Variants in ADAMTS17 observed in about 807,000 individuals in gnomAD.
ADAMTS17 encodes A disintegrin and metalloproteinase with thrombospondin motifs 17.
A neutral mutation model predicts 141.5 loss-of-function variants in ADAMTS17; 113 were observed. The observed-to-expected ratio is 0.80, with a 90% CI of 0.69 to 0.93. ADAMTS17 has a LOEUF of 0.93. ADAMTS17 is among the 40% of genes least tolerant of loss of function. The pLI is 0.00. For synonymous variants in ADAMTS17, 768 were observed against 630.6 expected (o/e 1.22, Z -3.27); for missense variants, 1,659 against 1,517.9 (o/e 1.09, Z -1.54).
At chr15:100,292,889 G>A (rs558273216) in intron 3 of ADAMTS17, among the ~76,000 whole-genome samples, 15 of 152,306 alleles carry the variant, frequency 9.8e-5, no homozygotes, top group African/African-American at 2.9e-4. Context: ...CCATTCCTTA[G>A]GGACAGATAA....
At chr15:100,089,889 G>C (rs563177087) in intron 15 of ADAMTS17, among the ~76,000 whole-genome samples, 1 of 150,618 alleles carries the variant, frequency 6.6e-6, no homozygotes, top group African/African-American at 2.5e-5. Flanking sequence ...GTTAAATGAC[G>C]AGTTAATGGG....
chr15:100,276,990 A>AGAGCGGCAAGAAAGGGCTGCTGCGGTGT (rs2044119913), intron 4 of ADAMTS17, among the ~76,000 whole-genome samples: 2 of 152,122 alleles, frequency 1.3e-5, no homozygotes, highest in Non-Finnish European at 2.9e-5. Context: ...GTCCAGGGCT[A>AGAGCGGCAAGAAAGGGCTGCTGCGGTGT]GAGCGGCAAG....
chr15:100,297,403 C>T (rs1262281088), intron 3 of ADAMTS17, among the ~76,000 whole-genome samples: 1 of 152,070 alleles, frequency 6.6e-6, no homozygotes, highest in African/African-American at 2.4e-5. Context: ...GATTCCAGGG[C>T]ACACTGGTTG....
At chr15:100,013,730 A>G (rs537794192) in intron 18 of ADAMTS17, among the ~76,000 whole-genome samples, 1 of 152,218 alleles carries the variant, frequency 6.6e-6, no homozygotes, top group Non-Finnish European at 1.5e-5. Flanking sequence ...CCCTGGTATG[A>G]AATCCACTTG....
chr15:100,148,153 A>C (rs563856701), intron 10 of ADAMTS17, among the ~76,000 whole-genome samples: 14 of 152,266 alleles, frequency 9.2e-5, no homozygotes, highest in Non-Finnish European at 1.8e-4. Flanking sequence ...CCACACTGGC[A>C]AAGTCCTTTC....
At chr15:100,021,388 C>A (rs564705367) in intron 18 of ADAMTS17, among the ~76,000 whole-genome samples, 1 of 152,178 alleles carries the variant, frequency 6.6e-6, no homozygotes, top group African/African-American at 2.4e-5. Flanking sequence ...CCAACCACCA[C>A]GAAGGATCTC....
At chr15:100,153,848 A>G (rs143784921) in intron 9 of ADAMTS17, among the ~76,000 whole-genome samples, 1 of 152,064 alleles carries the variant, frequency 6.6e-6, no homozygotes, top group East Asian at 1.9e-4. Context: ...GCTCACACAC[A>G]CTACTTGTCA....
At chr15:100,195,167 G>A (rs998004517) in intron 8 of ADAMTS17, among the ~76,000 whole-genome samples, 22 of 152,324 alleles carry the variant, frequency 1.4e-4, no homozygotes, top group Middle Eastern at 3.4e-3. Context: ...TGTTGTTAGC[G>A]TGACCGCTGC....
intron 12 of ADAMTS17, among the ~76,000 whole-genome samples, chr15:100,122,432 G>A (rs1015951021): frequency 6.6e-6 from 1 of 152,116 alleles, no homozygotes; most frequent in Non-Finnish European, 1.5e-5. Context: ...CCCCACATGT[G>A]GTCCTTCATT....
rs1018272055 is a variant in ADAMTS17, at chr15:100,106,756, G to T, written c.2016+2233C>A. ...AAGTCGTTGGGCAGGATGGTCTGTG[G>T]AAGTGTGTAATTTGGGTCGGACACC... On this transcript the variant is annotated intron_variant, in intron 14 of 21. Coordinates refer to ENST00000268070, the MANE Select transcript of ADAMTS17 (RefSeq NM_139057.4). Among the ~76,000 whole-genome samples the T allele has an allele frequency of 1.1e-4, 16 of 152,348 alleles. No homozygotes were observed. In the South Asian group the frequency reaches 3.1e-3, roughly 30 times the overall value.
rs73484173 is a variant in ADAMTS17 at position 100,287,598 on chromosome 15, T to G, written c.617-6197A>C. Among the ~76,000 whole-genome samples the G allele has an allele frequency of 2.1e-4, 32 of 151,882 alleles. 1 individual carries two copies. The East Asian group carries it at 6.0e-3, about 29-fold the overall frequency. On this transcript the variant is annotated intron_variant, in intron 3 of 21. Transcript: ENST00000268070. ...CACACAGTCATCAGATTCTCCAAGG[T>G]TGACATAAAATAAAGAATATTAAAG...
chr15:100,006,339 A>G (rs1596210312), intron 18 of ADAMTS17, among the ~76,000 whole-genome samples: 2 of 152,164 alleles, frequency 1.3e-5, no homozygotes, highest in African/African-American at 2.4e-5. Flanking sequence ...TGCATTCCCA[A>G]TTCTGAAAAA....
Position 99,997,281 on chromosome 15 carries a change from C to T in ADAMTS17, c.2796+104G>A. On this transcript the variant is annotated intron_variant, in intron 19 of 21. Coordinates refer to ENST00000268070, the MANE Select transcript of ADAMTS17 (RefSeq NM_139057.4). This position sits in a 1 kb window ranked among gnomAD's most constrained non-coding sequence, Gnocchi z 4.7. The stretch of plus-strand genomic sequence containing the variant: ...GAGCTATAACACAACTTCAAGCTGA[C>T]CTGGGGGCGAGCGAGGGCTGGGAGG... 1 of 1,319,926 alleles carries T rather than the reference C, an allele frequency of 7.6e-7. No individual in the cohort carries two copies. Among genetic ancestry groups the T allele is most frequent in the Non-Finnish European group, 1.1e-6 (1 of 921,992 alleles). The allele number at this position is 1,319,926 out of a possible 1,614,324, so 81.8% of individuals were successfully genotyped here. A position where few individuals can be genotyped will look rare whatever the true frequency, so the allele number is the denominator to read the frequency against.
intron 15 of ADAMTS17, among the ~76,000 whole-genome samples, chr15:100,068,535 G>A (rs1451924148): frequency 6.6e-6 from 1 of 152,182 alleles, no homozygotes; most frequent in Non-Finnish European, 1.5e-5. Context: ...ACACAGCTGG[G>A]TATCCCTCTG....
At chr15:100,282,423 C>T (rs1306443823) in intron 3 of ADAMTS17, among the ~76,000 whole-genome samples, 1 of 152,114 alleles carries the variant, frequency 6.6e-6, no homozygotes, top group East Asian at 1.9e-4. Flanking sequence ...CAGTACCGAG[C>T]CCTACATCTA....
intron 20 of ADAMTS17, among the ~76,000 whole-genome samples, chr15:99,977,401 A>ATATATATATATATTTTTTTT (rs2060384375): frequency 1.9e-4 from 1 of 5,154 alleles, no homozygotes; most frequent in African/African-American, 6.2e-4. Flanking sequence ...TATATATATA[A>ATATATATATATATTTTTTTT]TTTTTTTTTT....
chr15:99,974,568 G>A lies in ADAMTS17; in HGVS notation c.3128-6C>T, dbSNP rs148559983. 3.6e-4 allele frequency: 579 copies of A among 1,614,242 alleles called. 7 individuals are homozygous for A. In the East Asian group the frequency reaches 0.013, roughly 36 times the overall value. On this transcript the variant is annotated splice_region_variant and splice_polypyrimidine_tract_variant and intron_variant, in intron 21 of 21. Transcript: ENST00000268070. ...GCATTTGTAGGTCAGAGCAGCTAAG[G>A]GGATAGGAGAGAGAATACCCAGGGT...
chr15:100,227,532 G>GAGGCAGGCGGCCCTGGATT (rs2042348223), intron 7 of ADAMTS17, among the ~76,000 whole-genome samples: 1 of 152,234 alleles, frequency 6.6e-6, no homozygotes, highest in Non-Finnish European at 1.5e-5. Context: ...GAAGTCTGGA[G>GAGGCAGGCGGCCCTGGATT]AGGCAGGCGG....
chr15:100,177,271 T>C (rs1448773218), intron 8 of ADAMTS17, among the ~76,000 whole-genome samples: 3 of 152,388 alleles, frequency 2.0e-5, no homozygotes, highest in Admixed American at 2.0e-4. Flanking sequence ...TCTTTTCTAA[T>C]GTAAGCACTT....
Sources: gnomAD v4.1 joint callset for allele counts (sites outside exome capture counted in the v4.1 genomes callset) on GRCh38, gnomAD v4.1.1 for gene constraint, Gnocchi (gnomAD v3.1) non-coding constraint, MANE v1.5 for transcripts, NCBI Gene and HGNC (gene_info 2026-07-23, HGNC 2026-07-21) for gene names.